Variants in MTREX observed in about 807,000 individuals in gnomAD.
The protein encoded by MTREX is Mtr4 exosome RNA helicase.
Under a neutral mutation model 135.4 loss-of-function variants are expected in MTREX, and 76 were observed. The ratio of observed to expected loss-of-function variants is 0.56; its 90% CI spans 0.47 to 0.68. MTREX has a LOEUF of 0.68. MTREX is among the 30% of genes least tolerant of loss of function. MTREX has a pLI of 0.00. For missense variants in MTREX, 920 were observed against 1,262.1 expected (o/e 0.73, Z 4.11); for synonymous variants, 404 against 401.6 (o/e 1.01, Z -0.07).
At position 55,405,458 on chromosome 5, in the gene MTREX, C is replaced by A. The variant is rs1301298333; in HGVS notation, c.2515C>A (p.Leu839Met). The change falls in exon 22 of 27, where the codon CTG (leucine) becomes ATG (methionine). Residue 839 changes from leucine to methionine, a missense_variant. By Grantham distance (15) the Leu-to-Met change is conservative (BLOSUM62 2). Around this residue, in one of 6 missense-constraint regions of MTREX, gnomAD observed 467 missense variants for 589.7 expected, o/e 0.79. Transcript: ENST00000230640. ...AIDIKSAKRE[L>M]KKARTVLQMD... ...AGATATTAAATCTGCAAAGCGAGAACTGAAGAAAGCAAGAACAGTCCTACA... is the reference window on the plus strand; with the variant it reads ...AGATATTAAATCTGCAAAGCGAGAAATGAAGAAAGCAAGAACAGTCCTACA... 1.9e-6 allele frequency: 3 copies of A among 1,613,640 alleles called. No homozygotes were observed. Among genetic ancestry groups the A allele is most frequent in the Non-Finnish European group, 2.5e-6 (3 of 1,179,724 alleles).
chr5:55,373,356 A>G (rs1238430936), intron 16 of MTREX, among the ~76,000 whole-genome samples: 1 of 151,816 alleles, frequency 6.6e-6, no homozygotes, highest in African/African-American at 2.4e-5. Context: ...ATAGTTGTGA[A>G]TTATGTCCAT....
intron 5 of MTREX, among the ~76,000 whole-genome samples, chr5:55,329,686 ATTTTC>A (rs1458539033): frequency 6.6e-6 from 1 of 151,964 alleles, no homozygotes; most frequent in Non-Finnish European, 1.5e-5. Flanking sequence ...TGGAATTGTA[ATTTTC>A]TTTTAAGACT....
intron 18 of MTREX, among the ~76,000 whole-genome samples, chr5:55,380,209 G>A (rs1471892814): frequency 6.6e-6 from 1 of 152,020 alleles, no homozygotes; most frequent in African/African-American, 2.4e-5. Flanking sequence ...CAAAGTGCTG[G>A]GATTACAGAC....
chr5:55,364,137 G>A (rs1011086475), intron 15 of MTREX, among the ~76,000 whole-genome samples: 3 of 152,130 alleles, frequency 2.0e-5, no homozygotes, highest in Non-Finnish European at 4.4e-5. Context: ...TGGCTAAAAA[G>A]AAAGAATGAT....
At chr5:55,384,711 G>C (rs1166160508) in intron 18 of MTREX, among the ~76,000 whole-genome samples, 1 of 152,096 alleles carries the variant, frequency 6.6e-6, no homozygotes, top group Non-Finnish European at 1.5e-5. Context: ...GTAAGTCTCT[G>C]TCCTGTCTAC....
At chr5:55,407,280 C>T (rs1750822868) in intron 22 of MTREX, among the ~76,000 whole-genome samples, 1 of 152,140 alleles carries the variant, frequency 6.6e-6, no homozygotes, top group Non-Finnish European at 1.5e-5. Context: ...CAGTGACTAC[C>T]CAGCCCTAGT....
At chr5:55,378,911 T>C (rs1396978934) in intron 17 of MTREX, among the ~76,000 whole-genome samples, 2 of 152,228 alleles carry the variant, frequency 1.3e-5, no homozygotes, top group Non-Finnish European at 2.9e-5. Context: ...ATTCCTGTTA[T>C]TGCTGTCCTA....
chr5:55,382,449 T>G (rs1310054055), intron 18 of MTREX, among the ~76,000 whole-genome samples: 2 of 152,172 alleles, frequency 1.3e-5, no homozygotes, highest in Non-Finnish European at 2.9e-5. Flanking sequence ...AATTCCAGTG[T>G]GATATAGAGG....
chr5:55,370,544 C>T (rs906734448), intron 16 of MTREX, among the ~76,000 whole-genome samples: 1 of 152,140 alleles, frequency 6.6e-6, no homozygotes, highest in Non-Finnish European at 1.5e-5. Context: ...ATTTCTCTAC[C>T]TCTGGTTTTA....
intron 18 of MTREX, among the ~76,000 whole-genome samples, chr5:55,383,368 A>AT (rs1457023091): frequency 6.6e-6 from 1 of 152,058 alleles, no homozygotes; most frequent in East Asian, 1.9e-4. Flanking sequence ...CCAGAAACAG[A>AT]TTTTCTCAGT....
intron 19 of MTREX, among the ~76,000 whole-genome samples, chr5:55,393,047 G>A (rs1454522561): frequency 6.6e-6 from 1 of 152,180 alleles, no homozygotes. Context: ...CCTTCAAAGA[G>A]GTTCCAGCCC....
intron 16 of MTREX, among the ~76,000 whole-genome samples, chr5:55,369,694 G>A (rs2112089454): frequency 6.6e-6 from 1 of 152,230 alleles, no homozygotes; most frequent in East Asian, 1.9e-4. Flanking sequence ...CCTTTTACCT[G>A]AGGAATGGGA....
At chr5:55,358,151 A>G (rs1157749279) in intron 14 of MTREX, among the ~76,000 whole-genome samples, 1 of 152,202 alleles carries the variant, frequency 6.6e-6, no homozygotes, top group Non-Finnish European at 1.5e-5. Flanking sequence ...GCTGTTTTCC[A>G]GAATATCCAG....
intron 1 of MTREX, among the ~76,000 whole-genome samples, chr5:55,315,586 A>G (rs1343670391): frequency 2.0e-5 from 3 of 152,204 alleles, no homozygotes; most frequent in African/African-American, 4.8e-5. Context: ...GCATAGAGCA[A>G]TAGTTAATCC....
chr5:55,349,867 T>C (rs923244433), intron 12 of MTREX, among the ~76,000 whole-genome samples: 3 of 152,222 alleles, frequency 2.0e-5, no homozygotes, highest in Admixed American at 6.5e-5. Flanking sequence ...CTCTGAGAGC[T>C]AGTATGGTGT....
chr5:55,347,013 G>T lies in MTREX; in HGVS notation c.1109G>T (p.Gly370Val). 1 of 1,602,756 alleles carries T rather than the reference G, an allele frequency of 6.2e-7. No homozygotes were observed. The highest frequency in any genetic ancestry group is 1.1e-5 in the South Asian group (1 of 88,136). Reference sequence around the variant, plus strand: ...GGTGTGTTGTTTACTGTTTTTGCAGGACCATCAAATGTTTTCAAAATTGTG... The same window carrying T: ...GGTGTGTTGTTTACTGTTTTTGCAGTACCATCAAATGTTTTCAAAATTGTG... ...DQKGRKGGTK[G>V]PSNVFKIVKM... Residue 370 changes from glycine to valine, a missense_variant and splice_region_variant, in exon 11 of 27, where the codon GGA (glycine) becomes GTA (valine). This residue lies in a region of MTREX where 101 missense variants were observed against 119.1 expected (regional missense o/e 0.85). Transcript: ENST00000230640.
chr5:55,402,846 G>GTA (rs1561209724), intron 21 of MTREX, among the ~76,000 whole-genome samples: 3 of 45,886 alleles, frequency 6.5e-5, no homozygotes, highest in Admixed American at 3.1e-4. Flanking sequence ...GTGTGTATGT[G>GTA]TATGTATGTG....
At chr5:55,313,036 A>AT (rs1431877403) in intron 1 of MTREX, among the ~76,000 whole-genome samples, 1 of 152,162 alleles carries the variant, frequency 6.6e-6, no homozygotes, top group Non-Finnish European at 1.5e-5. Flanking sequence ...CTTTGTTTTT[A>AT]TAAAAAATAG....
chr5:55,383,102 C>A (rs201684618), intron 18 of MTREX, among the ~76,000 whole-genome samples: 2 of 152,184 alleles, frequency 1.3e-5, no homozygotes, highest in East Asian at 3.8e-4. Flanking sequence ...CTCCCACCTA[C>A]TTCCATTATG....
Sources: allele counts gnomAD v4.1 joint callset (sites outside exome capture counted in the v4.1 genomes callset), GRCh38; gene constraint gnomAD v4.1.1; regional missense constraint gnomAD v4.1.1; transcripts MANE v1.5; gene names NCBI Gene and HGNC (gene_info 2026-07-23, HGNC 2026-07-21).